The following GSTCD variants were observed in gnomAD, a reference collection of about 807,000 sequenced individuals.
GSTCD encodes the protein glutathione S-transferase C-terminal domain-containing protein.
In GSTCD, 44 loss-of-function variants were observed where a neutral mutation model predicts 68.3. That is an observed-to-expected ratio of 0.64 (90% confidence interval 0.51 to 0.83). The LOEUF (loss-of-function observed/expected upper bound fraction) is 0.83. Ranked by LOEUF, GSTCD falls within the 40% of genes least tolerant of loss-of-function variation. The pLI is 0.00. For synonymous variants in GSTCD, 273 were observed against 255.2 expected, an observed-to-expected ratio of 1.07 and a Z score of -0.67; for missense variants, 739 against 735.9, an observed-to-expected ratio of 1.00 and a Z score of -0.05.
At chr4:105,747,901 G>GTTA (rs34900311) in intron 5 of GSTCD, among the ~76,000 whole-genome samples, 2 of 151,252 alleles carry the variant, frequency 1.3e-5, no homozygotes, top group Admixed American at 1.3e-4. Flanking sequence ...TGTTGTTGTT[G>GTTA]TTTATATTAA....
intron 5 of GSTCD, among the ~76,000 whole-genome samples, chr4:105,730,547 G>A (rs1733199636): frequency 6.6e-6 from 1 of 152,176 alleles, no homozygotes; most frequent in Non-Finnish European, 1.5e-5. Flanking sequence ...CTTCTTTTGA[G>A]AAGTGTCTGT....
chr4:105,747,590 CT>C (rs1292663263), intron 5 of GSTCD, among the ~76,000 whole-genome samples: 1 of 152,076 alleles, frequency 6.6e-6, no homozygotes, highest in Non-Finnish European at 1.5e-5. Flanking sequence ...AAACTTAATT[CT>C]TTTTCTGTTT....
intron 3 of GSTCD, 91 bp downstream of exon 3, chr4:105,719,618 A>G (rs1732799761): frequency 3.4e-6 from 3 of 874,062 alleles, no homozygotes; most frequent in African/African-American, 1.7e-5. Flanking sequence ...TTTATTGTCA[A>G]TATGCTGCTA....
intron 5 of GSTCD, among the ~76,000 whole-genome samples, chr4:105,737,561 A>G (rs1413211953): frequency 1.3e-5 from 2 of 152,200 alleles, no homozygotes; most frequent in Non-Finnish European, 1.5e-5. Context: ...GCCCAGTCCA[A>G]TGTCTAGAAG....
rs561102412 is a variant in GSTCD, at chr4:105,842,753, A to T, written c.1765+619A>T. ...ATGCTCTTGACTGTTATCTTGGTAA[A>T]TTCTTACAAATATACATATGGGGTA... On this transcript the variant is annotated intron_variant, in intron 11 of 11. Coordinates refer to ENST00000515279, the MANE Select transcript of GSTCD (RefSeq NM_001370181.1). Among the ~76,000 whole-genome samples the T allele has an allele frequency of 1.1e-4, 16 of 152,310 alleles. No individual in the cohort carries two copies. In the South Asian group the frequency reaches 3.3e-3, roughly 32 times the overall value.
At position 105,732,684 on chromosome 4, in the gene GSTCD, A is replaced by C. The variant is rs555095881; in HGVS notation, c.1240+3185A>C. On this transcript the variant is annotated intron_variant, in intron 5 of 11. Coordinates refer to ENST00000515279, the MANE Select transcript of GSTCD (RefSeq NM_001370181.1). The stretch of plus-strand genomic sequence containing the variant: ...TTTTTGAAGGGTTTTTTGTGTCTCT[A>C]TCTCCTTCAGTTCTGCTCTGATCTC... Among the ~76,000 whole-genome samples the C allele has an allele frequency of 2.9e-4, 44 of 152,010 alleles. No individual in the cohort carries two copies. In the South Asian group the frequency reaches 8.9e-3, roughly 31 times the overall value.
chr4:105,831,746 A>G (rs2149281941), intron 8 of GSTCD, among the ~76,000 whole-genome samples: 1 of 151,952 alleles, frequency 6.6e-6, no homozygotes, highest in Admixed American at 6.6e-5. Flanking sequence ...CTTTTTACTT[A>G]TGGTTTGGTT....
intron 5 of GSTCD, among the ~76,000 whole-genome samples, chr4:105,781,370 C>A (rs771707599): frequency 1.3e-5 from 2 of 151,782 alleles, no homozygotes; most frequent in Non-Finnish European, 2.9e-5. Context: ...CCCTCAGCCC[C>A]CCAAGTACTT....
At position 105,818,087 on chromosome 4, in the gene GSTCD, ATTCATAT is replaced by A. The variant is rs1723089780; in HGVS notation, c.1241-4866_1241-4860del. Among the ~76,000 whole-genome samples, 4 of 151,866 alleles carry A rather than the reference ATTCATAT, an allele frequency of 2.6e-5. No homozygotes were observed. In the South Asian group the frequency reaches 8.3e-4, roughly 31 times the overall value. On this transcript the variant is annotated intron_variant, in intron 5 of 11. Coordinates refer to ENST00000515279, the MANE Select transcript of GSTCD (RefSeq NM_001370181.1). ...AGTTTATGCAGTTCCAGGAAAAAATATTCATATCTATTTCAGGGAGACAGAAGCAATT... is the reference window on the plus strand; with the variant it reads ...AGTTTATGCAGTTCCAGGAAAAAATACTATTTCAGGGAGACAGAAGCAATT...
At chr4:105,837,773 C>T (rs1489707431) in intron 9 of GSTCD, 86 bp from the exon 10 acceptor site, 1 of 594,470 alleles carries the variant, frequency 1.7e-6, no homozygotes, top group Non-Finnish European at 2.9e-6. Flanking sequence ...ACATACAAAG[C>T]ATATTTTTAT....
intron 3 of GSTCD, among the ~76,000 whole-genome samples, chr4:105,720,163 C>G (rs1006722064): frequency 5.9e-5 from 9 of 151,708 alleles, no homozygotes; most frequent in Non-Finnish European, 8.8e-5. Context: ...CTCTCTCTCT[C>G]TCTGTCTGTC....
chr4:105,763,890 A>G (rs1275510061), intron 5 of GSTCD, among the ~76,000 whole-genome samples: 1 of 152,118 alleles, frequency 6.6e-6, no homozygotes, highest in African/African-American at 2.4e-5. Context: ...GGTAGTTGTA[A>G]CCCATCAATT....
At chr4:105,782,097 C>T (rs1735296164) in intron 5 of GSTCD, among the ~76,000 whole-genome samples, 1 of 152,050 alleles carries the variant, frequency 6.6e-6, no homozygotes, top group African/African-American at 2.4e-5. Flanking sequence ...CTCTGAATGC[C>T]ACTGGCAAAA....
At chr4:105,763,688 G>T (rs1011171254) in intron 5 of GSTCD, among the ~76,000 whole-genome samples, 2 of 151,878 alleles carry the variant, frequency 1.3e-5, no homozygotes, top group Non-Finnish European at 2.9e-5. Flanking sequence ...CAGTTATTCT[G>T]GTATTTTTAG....
At chr4:105,777,206 GAAT>G (rs1163610967) in intron 5 of GSTCD, among the ~76,000 whole-genome samples, 1 of 152,104 alleles carries the variant, frequency 6.6e-6, no homozygotes, top group Non-Finnish European at 1.5e-5. Context: ...TAAGGATAGT[GAAT>G]TGATTCAGAA....
At chr4:105,772,914 A>G (rs762960689) in intron 5 of GSTCD, among the ~76,000 whole-genome samples, 2 of 152,142 alleles carry the variant, frequency 1.3e-5, no homozygotes, top group African/African-American at 2.4e-5. Context: ...GTTGTTTGCA[A>G]TAGTTTCAGA....
intron 3 of GSTCD, 32 bp from the exon 4 acceptor site, chr4:105,726,547 A>G: frequency 7.1e-7 from 1 of 1,399,696 alleles, no homozygotes; most frequent in Non-Finnish European, 9.7e-7. Context: ...CAAAATATAT[A>G]TAATAATGTG....
Position 105,766,887 on chromosome 4 carries a change from C to CTTTTTTTTTTTTTTTTTTTTTTTTT in GSTCD, c.1240+37389_1240+37413dup. 2.5e-4 allele frequency among the ~76,000 whole-genome samples: 14 copies of CTTTTTTTTTTTTTTTTTTTTTTTTT among 57,128 alleles called. 2 individuals carry two copies. The highest frequency in any genetic ancestry group is 1.0e-3 in the African/African-American group (13 of 12,436). The allele number at this position is 57,128 out of a possible 152,430, so 37.5% of individuals were successfully genotyped here. On this transcript the variant is annotated intron_variant, in intron 5 of 11. Coordinates refer to ENST00000515279, the MANE Select transcript of GSTCD (RefSeq NM_001370181.1). ...CAAAAGCATGAATAGGTTTTTGACT[C>CTTTTTTTTTTTTTTTTTTTTTTTTT]TTTTTTTTTTTTTTTTTTTTTTTTT...
intron 10 of GSTCD, among the ~76,000 whole-genome samples, chr4:105,841,792 A>T (rs1724351500): frequency 6.6e-6 from 1 of 152,210 alleles, no homozygotes; most frequent in Non-Finnish European, 1.5e-5. Flanking sequence ...CGAAGGTTGC[A>T]GTGAGCCAAG....
Sources: allele counts gnomAD v4.1 joint callset (sites outside exome capture counted in the v4.1 genomes callset), GRCh38; gene constraint gnomAD v4.1.1; transcripts MANE v1.5; gene names NCBI Gene and HGNC (gene_info 2026-07-23, HGNC 2026-07-21).